Variants in ERCC6L2 observed in about 807,000 individuals in gnomAD.
ERCC6L2 encodes DNA excision repair protein ERCC-6-like 2.
In ERCC6L2, 77 loss-of-function variants were observed where a neutral mutation model predicts 132.0. The observed-to-expected ratio is 0.58, with a 90% CI of 0.49 to 0.71. The LOEUF (loss-of-function observed/expected upper bound fraction) is 0.71, where lower values mean the gene tolerates loss of function less well. Among genes scored for constraint, ERCC6L2 ranks in the 30% least tolerant of loss-of-function variants. The pLI, the probability that ERCC6L2 is intolerant of heterozygous loss-of-function variation, is 0.00. For missense variants in ERCC6L2, 1,542 were observed against 1,837.6 expected, an observed-to-expected ratio of 0.84 and a Z score of 2.94; for synonymous variants, 583 against 632.4, an observed-to-expected ratio of 0.92 and a Z score of 1.17.
In ERCC6L2 at chr9:96,001,959, CG is replaced by C. The variant is rs1833698576; in HGVS notation, c.3493-2558del. 2.0e-5 allele frequency among the ~76,000 whole-genome samples: 3 copies of C among 152,364 alleles called. No homozygotes were observed. In the East Asian group the frequency reaches 5.8e-4, roughly 29 times the overall value. On this transcript the variant is annotated intron_variant, in intron 17 of 18. Coordinates refer to ENST00000653738, the MANE Select transcript of ERCC6L2 (RefSeq NM_020207.7). ...AGTACACCCTCCGCAGCCACTGGCC[CG>C]GGTGCTAAGTCCCCCATTGCCGGGG...
chr9:96,034,949 G>A (rs1834502563), intron 19 of ERCC6L2, among the ~76,000 whole-genome samples: 1 of 152,166 alleles, frequency 6.6e-6, no homozygotes, highest in Middle Eastern at 3.2e-3. Flanking sequence ...TTCTGAGATG[G>A]CTAGGGGAGA....
Position 95,875,739 on chromosome 9 carries a change from CCGG to C in ERCC6L2, c.-290_-288del. The C allele has an allele frequency of 1.7e-5, 8 of 465,632 alleles. No individual in the cohort carries two copies. Among genetic ancestry groups the C allele is most frequent in the Middle Eastern group, 5.8e-4 (1 of 1,720 alleles). 28.8% of individuals were successfully genotyped at this position (465,632 alleles called of 1,614,324 possible). On this transcript the variant is annotated 5_prime_UTR_variant, in exon 1 of 19. Transcript: ENST00000653738. Reference sequence around the variant, plus strand: ...CGCCTTGCCGGCCTCCTGTCCTCCTCCGGCGGCGGCGGAGCCCGAGAGAACTAG... The same window carrying C: ...CGCCTTGCCGGCCTCCTGTCCTCCTCCGGCGGCGGAGCCCGAGAGAACTAG...
chr9:95,983,636 CTA>C (rs1832975525), intron 17 of ERCC6L2, among the ~76,000 whole-genome samples: 2 of 152,174 alleles, frequency 1.3e-5, no homozygotes, highest in Non-Finnish European at 2.9e-5. Flanking sequence ...ACATGGCCCC[CTA>C]ATGGAAACAC....
chr9:95,895,688 A>C (rs1828416625), intron 2 of ERCC6L2, among the ~76,000 whole-genome samples: 2 of 149,564 alleles, frequency 1.3e-5, no homozygotes, highest in South Asian at 4.2e-4. Context: ...TTATAACTAC[A>C]CTTGTGCTCC....
In ERCC6L2 at chr9:96,016,639, A is replaced by G. The variant is rs1834189996; in HGVS notation, c.*3436A>G. Among the ~76,000 whole-genome samples, 1 of 152,242 alleles carries G rather than the reference A, an allele frequency of 6.6e-6. No homozygotes were observed. The highest frequency in any genetic ancestry group is 2.1e-4 in the South Asian group (1 of 4,834). ...ATGATGATAAACTTTTCATCCTTCC[A>G]CAGAAAATGAGAAAGCCACAGGAAA... On this transcript the variant is annotated 3_prime_UTR_variant, in exon 19 of 19. Coordinates refer to ENST00000653738, the MANE Select transcript of ERCC6L2 (RefSeq NM_020207.7).
chr9:96,007,311 TA>T (rs1833893056), intron 18 of ERCC6L2, among the ~76,000 whole-genome samples: 1 of 152,118 alleles, frequency 6.6e-6, no homozygotes, highest in Non-Finnish European at 1.5e-5. Context: ...AACATGGAGT[TA>T]AGATGAGTTT....
chr9:96,024,889 A>C (rs1274007630), intron 19 of ERCC6L2, among the ~76,000 whole-genome samples: 2 of 152,054 alleles, frequency 1.3e-5, no homozygotes, highest in Admixed American at 6.5e-5. Flanking sequence ...TGACCTCATA[A>C]CCCAAATCTC....
At chr9:96,022,297 G>A (rs1834305538), downstream of ERCC6L2, among the ~76,000 whole-genome samples, 1 of 152,200 alleles carries the variant, frequency 6.6e-6, no homozygotes, top group Admixed American at 6.5e-5. Context: ...GCGGGTGCAA[G>A]CCTCCTGTAT....
intron 1 of ERCC6L2, among the ~76,000 whole-genome samples, chr9:95,878,339 T>G (rs965894739): frequency 2.6e-5 from 4 of 152,224 alleles, no homozygotes; most frequent in East Asian, 1.9e-4. Context: ...TTTAGAGAGA[T>G]AGTGGCATGG....
chr9:95,911,194 C>T (rs1479602991), intron 4 of ERCC6L2, among the ~76,000 whole-genome samples: 1 of 152,198 alleles, frequency 6.6e-6, no homozygotes, highest in Non-Finnish European at 1.5e-5. Context: ...CATGCCTGGC[C>T]AAACCTTAGG....
intron 9 of ERCC6L2, among the ~76,000 whole-genome samples, chr9:95,924,175 AAG>A (rs1830003170): frequency 6.6e-6 from 1 of 152,202 alleles, no homozygotes; most frequent in African/African-American, 2.4e-5. Context: ...AAAGAATAAA[AAG>A]GAAGTAGTTC....
At chr9:95,884,830 C>T (rs1306844359) in intron 2 of ERCC6L2, among the ~76,000 whole-genome samples, 1 of 151,916 alleles carries the variant, frequency 6.6e-6, no homozygotes, top group Non-Finnish European at 1.5e-5. Context: ...AATATGGCTT[C>T]GAAAGGGAAT....
intron 4 of ERCC6L2, among the ~76,000 whole-genome samples, chr9:95,913,340 G>T (rs1389949190): frequency 4.6e-5 from 7 of 152,084 alleles, no homozygotes; most frequent in South Asian, 4.1e-4. Context: ...AAAAAGCAAG[G>T]TGAATGCTCG....
intron 19 of ERCC6L2, among the ~76,000 whole-genome samples, chr9:96,036,698 A>G (rs1834522169): frequency 6.6e-6 from 1 of 151,804 alleles, no homozygotes; most frequent in African/African-American, 2.4e-5. Context: ...TTTTTTTCCT[A>G]GTAGCCATCC....
At chr9:95,886,333 T>C (rs1490030315) in intron 2 of ERCC6L2, among the ~76,000 whole-genome samples, 1 of 151,882 alleles carries the variant, frequency 6.6e-6, no homozygotes, top group Non-Finnish European at 1.5e-5. Context: ...TTAATATGTA[T>C]ACATAGGATG....
At chr9:95,888,741 C>T (rs995038913) in intron 2 of ERCC6L2, among the ~76,000 whole-genome samples, 1 of 152,104 alleles carries the variant, frequency 6.6e-6, no homozygotes, top group Non-Finnish European at 1.5e-5. Context: ...CTGGGTTCCG[C>T]CAGCAGAAAT....
downstream of ERCC6L2, among the ~76,000 whole-genome samples, chr9:96,018,633 G>C (rs1434591892): frequency 9.4e-6 from 1 of 105,906 alleles, no homozygotes; most frequent in East Asian, 3.4e-4. Context: ...GCTAATTTTT[G>C]CATTTTTTTT....
At chr9:95,923,494 T>A in intron 9 of ERCC6L2, 115 bp downstream of exon 9, 1 of 1,222,148 alleles carries the variant, frequency 8.2e-7, no homozygotes, top group Non-Finnish European at 1.1e-6. Flanking sequence ...GAAGAGATGG[T>A]GGCTATGGAC....
At position 95,966,734 on chromosome 9, in the gene ERCC6L2, C is replaced by G; in HGVS notation, c.2100+20C>G. ...CTGGAGGTGTGAACTTCTTCTCTGA[C>G]CTTTTCAATAATATTTTAAATACAG... On this transcript the variant is annotated intron_variant, in intron 14 of 18. Transcript: ENST00000653738. 7.2e-7 allele frequency: 1 copy of G among 1,390,578 alleles called. No individual in the cohort carries two copies. Among genetic ancestry groups the G allele is most frequent in the Non-Finnish European group, 9.5e-7 (1 of 1,056,260 alleles). The allele number at this position is 1,390,578 out of a possible 1,614,324, so 86.1% of individuals were successfully genotyped here.
Sources: allele counts gnomAD v4.1 joint callset (sites outside exome capture counted in the v4.1 genomes callset), GRCh38; gene constraint gnomAD v4.1.1; transcripts MANE v1.5; gene names NCBI Gene and HGNC (gene_info 2026-07-23, HGNC 2026-07-21).